The following SLA variants were observed in gnomAD, a reference collection of about 807,000 sequenced individuals.
SLA encodes the protein Src like adaptor.
Under a neutral mutation model 30.3 loss-of-function variants are expected in SLA, and 16 were observed. The observed-to-expected ratio is 0.53, with a 90% CI of 0.36 to 0.80. The LOEUF is 0.80. SLA is among the 30% of genes least tolerant of loss of function. The probability of loss-of-function intolerance (pLI) is 0.01; values close to 1 mark genes in which losing one functional copy is unlikely to be tolerated. For missense variants in SLA, 310 were observed against 345.2 expected (o/e 0.90, Z 0.81); for synonymous variants, 143 against 137.8 (o/e 1.04, Z -0.26).
intron 1 of SLA, among the ~76,000 whole-genome samples, chr8:133,078,313 T>G (rs1845210642): frequency 6.6e-6 from 1 of 152,114 alleles, no homozygotes; most frequent in South Asian, 2.1e-4. Context: ...GGTGGGAGCA[T>G]GTGAGCCACG....
Position 133,060,275 on chromosome 8 carries a change from G to A in SLA, c.-40-75C>T, listed in dbSNP as rs984371098. ...CAAGTGGAGAATGACCCAGTTTAGA[G>A]AGCATCGTGCATCATTTTTCTGGCA... is the stretch of plus-strand genomic sequence containing the variant. On this transcript the variant is annotated intron_variant, in intron 2 of 8. Transcript: ENST00000338087. 7 of 1,598,922 alleles carry A rather than the reference G, an allele frequency of 4.4e-6. No individual in the cohort carries two copies. In the African/African-American group the frequency reaches 5.4e-5, roughly 12 times the overall value.
intron 1 of SLA, among the ~76,000 whole-genome samples, chr8:133,098,039 A>G (rs573612106): frequency 2.0e-5 from 3 of 152,198 alleles, no homozygotes; most frequent in Non-Finnish European, 2.9e-5. Flanking sequence ...AGGGCAAAAT[A>G]CCTTTTGTAC....
chr8:133,096,604 A>G (rs1277733122), intron 1 of SLA, among the ~76,000 whole-genome samples: 1 of 152,206 alleles, frequency 6.6e-6, no homozygotes, highest in Admixed American at 6.5e-5. Context: ...ATCGCTGTGG[A>G]AAACTGGAGC....
At chr8:133,046,906 T>G (rs1839522191) in intron 6 of SLA, among the ~76,000 whole-genome samples, 2 of 152,206 alleles carry the variant, frequency 1.3e-5, no homozygotes, top group Non-Finnish European at 2.9e-5. Flanking sequence ...ACTTATTAGG[T>G]GCATGGGAAG....
intron 2 of SLA, among the ~76,000 whole-genome samples, chr8:133,068,324 T>G (rs1472330224): frequency 6.6e-6 from 1 of 152,190 alleles, no homozygotes; most frequent in Non-Finnish European, 1.5e-5. Flanking sequence ...TACCCTTGAG[T>G]GCCCAGGAGG....
chr8:133,065,032 C>G (rs1254190986), intron 2 of SLA, among the ~76,000 whole-genome samples: 1 of 152,180 alleles, frequency 6.6e-6, no homozygotes, highest in Non-Finnish European at 1.5e-5. Flanking sequence ...TCCCTTTGTT[C>G]TTAGAAATTT....
intron 3 of SLA, among the ~76,000 whole-genome samples, chr8:133,057,551 T>C (rs1841672344): frequency 6.6e-6 from 1 of 152,104 alleles, no homozygotes; most frequent in African/African-American, 2.4e-5. Flanking sequence ...GCTGTCGCTG[T>C]GAGGAGGGAC....
intron 7 of SLA, among the ~76,000 whole-genome samples, chr8:133,043,446 C>T (rs1838705696): frequency 6.6e-6 from 1 of 152,194 alleles, no homozygotes; most frequent in African/African-American, 2.4e-5. Flanking sequence ...TCGTTTTTAC[C>T]TGGCTGCTAA....
At chr8:133,060,445 A>G (rs1842208066) in intron 2 of SLA, 1 of 1,353,012 alleles carries the variant, frequency 7.4e-7, no homozygotes, top group East Asian at 2.7e-5. Context: ...GTTGGTGGCA[A>G]AAGTTTCCAT....
Position 133,047,839 on chromosome 8 carries a change from TCTCA to T in SLA, c.339_342del (p.Ser113ArgfsTer11). Reference sequence around the variant, plus strand: ...GTTGGGGGCCACTCACCTTTCTTGGTCTCACTCTCTCTGATCATGAAGGAGCCGA... The same window carrying T: ...GTTGGGGGCCACTCACCTTTCTTGGTCTCTCTCTGATCATGAAGGAGCCGA... On this transcript the variant is annotated frameshift_variant, in exon 6 of 9. Coordinates refer to ENST00000338087, the MANE Select transcript of SLA (RefSeq NM_001045556.3). LOFTEE classifies it high-confidence loss of function. The T allele has an allele frequency of 6.3e-7, 1 of 1,584,938 alleles. No homozygotes were observed. Among genetic ancestry groups the T allele is most frequent in the Non-Finnish European group, 8.7e-7 (1 of 1,153,322 alleles).
At chr8:133,066,700 C>T (rs969870623) in intron 2 of SLA, among the ~76,000 whole-genome samples, 1 of 152,204 alleles carries the variant, frequency 6.6e-6, no homozygotes, top group African/African-American at 2.4e-5. Flanking sequence ...CTGTGTATCG[C>T]TGGGCAAGTT....
intron 3 of SLA, among the ~76,000 whole-genome samples, chr8:133,059,367 T>C (rs1842035974): frequency 6.6e-6 from 1 of 152,224 alleles, no homozygotes; most frequent in South Asian, 2.1e-4. Context: ...GGGGCCAGCA[T>C]AGCTGAGTCC....
intron 2 of SLA, among the ~76,000 whole-genome samples, chr8:133,068,028 G>A (rs549596833): frequency 1.2e-4 from 18 of 152,306 alleles, no homozygotes; most frequent in Middle Eastern, 3.4e-3. Context: ...GCCTGGGGCT[G>A]GGGGCTCAGC....
rs1414137760 is a variant in SLA, at chr8:133,056,064, AC to A, written c.61+4035del. Among the ~76,000 whole-genome samples the A allele has an allele frequency of 3.3e-5, 5 of 152,200 alleles. No homozygotes were observed. The East Asian group carries it at 9.7e-4, about 29-fold the overall frequency. ...AGGAAGCTGAGTGCCAGGTTTCAAA[AC>A]CAGGTCTCCCTGGGCAGGGCAGGGC... On this transcript the variant is annotated intron_variant, in intron 3 of 8. Coordinates refer to ENST00000338087, the MANE Select transcript of SLA (RefSeq NM_001045556.3).
rs751128736 is a variant in SLA at position 133,074,906 on chromosome 8, G to A, written c.-94C>T. On this transcript the variant is annotated 5_prime_UTR_variant, in exon 2 of 9. Coordinates refer to ENST00000338087, the MANE Select transcript of SLA (RefSeq NM_001045556.3). ...GAGCTGTCTGCAGAGGGATTGCTGG[G>A]TGCAGAGTCACTGCCTCTCCGTCTG... is the stretch of plus-strand genomic sequence containing the variant. 7.9e-5 allele frequency: 78 copies of A among 985,452 alleles called. No homozygotes were observed. Among genetic ancestry groups the A allele is most frequent in the Non-Finnish European group, 9.0e-5 (75 of 830,018 alleles). The allele number at this position is 985,452 out of a possible 1,614,324, so 61.0% of individuals were successfully genotyped here.
At chr8:133,046,728 A>G (rs1459363946) in intron 6 of SLA, 1 of 152,214 alleles carries the variant, frequency 6.6e-6, no homozygotes, top group African/African-American at 2.4e-5. Flanking sequence ...GGACAGGCAC[A>G]GGATGTTTTG....
At chr8:133,048,385 A>T (rs2739173) in intron 5 of SLA, among the ~76,000 whole-genome samples, 23,332 of 151,970 alleles carry the variant, frequency 0.15, 2,530 homozygotes, top group East Asian at 0.48. Context: ...CACGTCTGGC[A>T]ACTTTTTGTG....
At chr8:133,098,056 C>G (rs986413675) in intron 1 of SLA, among the ~76,000 whole-genome samples, 7 of 152,128 alleles carry the variant, frequency 4.6e-5, no homozygotes, top group Non-Finnish European at 7.3e-5. Context: ...GTACCTGATC[C>G]ATTTCAACAT....
chr8:133,042,678 CTTTTTTTTTTTTTTTT>C (rs58739514), intron 7 of SLA, among the ~76,000 whole-genome samples: 16 of 56,768 alleles, frequency 2.8e-4, no homozygotes, highest in South Asian at 6.0e-4. Context: ...CATTCTGTGT[CTTTTTTTTTTTTTTTT>C]TTTTTTTTTT....
Sources: gnomAD v4.1 joint callset for allele counts (sites outside exome capture counted in the v4.1 genomes callset) on GRCh38, gnomAD v4.1.1 for gene constraint, MANE v1.5 for transcripts, NCBI Gene and HGNC (gene_info 2026-07-23, HGNC 2026-07-21) for gene names.